MAP3K4: variants seen among roughly 807,000 people sequenced by gnomAD.
MAP3K4 encodes mitogen-activated protein kinase kinase kinase 4.
Under a neutral mutation model 185.6 loss-of-function variants are expected in MAP3K4, and 67 were observed. That is an observed-to-expected ratio of 0.36 (90% CI 0.30 to 0.44). The LOEUF is 0.44. Among genes scored for constraint, MAP3K4 ranks in the 20% least tolerant of loss-of-function variants. The pLI, the probability that MAP3K4 is intolerant of heterozygous loss-of-function variation, is 1.00. For synonymous variants in MAP3K4, 702 were observed against 710.4 expected, an observed-to-expected ratio of 0.99 and a Z score of 0.19; for missense variants, 1,551 against 1,995.1, an observed-to-expected ratio of 0.78 and a Z score of 4.24.
rs185785133 is a variant in MAP3K4, at chr6:161,051,671, A to G, written c.1707+1692A>G. Among the ~76,000 whole-genome samples the G allele has an allele frequency of 6.6e-6, 1 of 152,250 alleles. No individual in the cohort carries two copies. The highest frequency in any genetic ancestry group is 1.9e-4 in the East Asian group (1 of 5,176). On this transcript the variant is annotated intron_variant, in intron 3 of 26. Transcript: ENST00000392142. The surrounding 1 kb of genome is among the most constrained non-coding windows in gnomAD (Gnocchi z 4.2). ...TCATCCCAGGGGGATTTGTTCCAGG[A>G]CCCCCATGGACACTCAAATCCTTGG...
chr6:161,059,340 T>C (rs575616890), intron 3 of MAP3K4, among the ~76,000 whole-genome samples: 105 of 152,262 alleles, frequency 6.9e-4, no homozygotes, highest in African/African-American at 2.5e-3. Flanking sequence ...TTTCATTATG[T>C]TGGCCAGGCT....
chr6:161,040,401 T>C (rs1336615533), intron 2 of MAP3K4, among the ~76,000 whole-genome samples: 1 of 152,016 alleles, frequency 6.6e-6, no homozygotes, highest in African/African-American at 2.4e-5. Flanking sequence ...AATGCAACTA[T>C]TTAGAAAACG....
intron 15 of MAP3K4, among the ~76,000 whole-genome samples, chr6:161,094,283 C>T (rs1777472809): frequency 6.6e-6 from 1 of 152,214 alleles, no homozygotes. Flanking sequence ...TTCTCCACAG[C>T]TTTCCCAAGT....
In MAP3K4 at chr6:161,048,572, A is replaced by G. The variant is rs116433724; in HGVS notation, c.344-44A>G. ...TTGAAAATATTGAGAGTAGCTTCAT[A>G]TTTTAGAGTTATATAATGTTCTGTT... On this transcript the variant is annotated intron_variant, in intron 2 of 26. Transcript: ENST00000392142. This position sits in a 1 kb window ranked among gnomAD's most constrained non-coding sequence, Gnocchi z 4.7. 4.6e-3 allele frequency: 5,952 copies of G among 1,288,144 alleles called. 245 individuals carry two copies. In the African/African-American group the frequency reaches 0.078, roughly 17 times the overall value. The allele number at this position is 1,288,144 out of a possible 1,614,324, so 79.8% of individuals were successfully genotyped here. A position where few individuals can be genotyped will look rare whatever the true frequency, so the allele number is the denominator to read the frequency against.
At chr6:161,047,878 G>T (rs540536842) in intron 2 of MAP3K4, among the ~76,000 whole-genome samples, 1 of 152,242 alleles carries the variant, frequency 6.6e-6, no homozygotes, top group Admixed American at 6.5e-5. Context: ...GAAGGAAGTG[G>T]GTGGTTTTTG....
rs1350913088 is a variant in MAP3K4 at position 161,084,803 on chromosome 6, T to C, written c.2372+186T>C. ...ATGTGATTTCTTAGTTATGGTTTTA[T>C]GTGAAATTTTCTTTGAAGGGGAACT... On this transcript the variant is annotated intron_variant, in intron 7 of 26. Coordinates refer to ENST00000392142, the MANE Select transcript of MAP3K4 (RefSeq NM_005922.4). The surrounding 1 kb of genome is among the most constrained non-coding windows in gnomAD (Gnocchi z 4.6). 6.6e-6 allele frequency among the ~76,000 whole-genome samples: 1 copy of C among 152,232 alleles called. No individual in the cohort carries two copies. Among genetic ancestry groups the C allele is most frequent in the South Asian group, 2.1e-4 (1 of 4,832 alleles).
chr6:161,080,141 A>G lies in MAP3K4; in HGVS notation c.2098-740A>G, dbSNP rs1272036196. 6.6e-6 allele frequency among the ~76,000 whole-genome samples: 1 copy of G among 152,146 alleles called. No individual in the cohort carries two copies. Among genetic ancestry groups the G allele is most frequent in the African/African-American group, 2.4e-5 (1 of 41,448 alleles). On this transcript the variant is annotated intron_variant, in intron 5 of 26. Coordinates refer to ENST00000392142, the MANE Select transcript of MAP3K4 (RefSeq NM_005922.4). The surrounding 1 kb of genome is among the most constrained non-coding windows in gnomAD (Gnocchi z 4.8). Reference sequence around the variant, plus strand: ...GATGTCTGAAAAGTTCCGAGAGAGAATGTGTGACTCAAATATCTCCTACCC... The same window carrying G: ...GATGTCTGAAAAGTTCCGAGAGAGAGTGTGTGACTCAAATATCTCCTACCC...
Position 161,053,646 on chromosome 6 carries a change from T to G in MAP3K4, c.1707+3667T>G, listed in dbSNP as rs928295385. Among the ~76,000 whole-genome samples the G allele has an allele frequency of 3.3e-5, 5 of 152,128 alleles. No homozygotes were observed. Among genetic ancestry groups the G allele is most frequent in the African/African-American group, 1.2e-4 (5 of 41,416 alleles). ...TCATTCTGTTTCCTAGGCTGGAGTG[T>G]AATGGGAAGATCTCGGCTCACTGCA... is the stretch of plus-strand genomic sequence containing the variant. On this transcript the variant is annotated intron_variant, in intron 3 of 26. Coordinates refer to ENST00000392142, the MANE Select transcript of MAP3K4 (RefSeq NM_005922.4). The surrounding 1 kb of genome is among the most constrained non-coding windows in gnomAD (Gnocchi z 4.2).
At position 161,053,811 on chromosome 6, in the gene MAP3K4, C is replaced by G. The variant is rs1784113539; in HGVS notation, c.1707+3832C>G. Among the ~76,000 whole-genome samples the G allele has an allele frequency of 6.6e-6, 1 of 152,120 alleles. No homozygotes were observed. The highest frequency in any genetic ancestry group is 1.5e-5 in the Non-Finnish European group (1 of 68,026). ...GTTTCACCATGTTGGCCAGGCTAGTCTTGAACTCCTGACCCCAAATGATCC... is the reference window on the plus strand; with the variant it reads ...GTTTCACCATGTTGGCCAGGCTAGTGTTGAACTCCTGACCCCAAATGATCC... On this transcript the variant is annotated intron_variant, in intron 3 of 26. Coordinates refer to ENST00000392142, the MANE Select transcript of MAP3K4 (RefSeq NM_005922.4). The surrounding 1 kb of genome is among the most constrained non-coding windows in gnomAD (Gnocchi z 4.2).
chr6:161,088,307 T>C lies in MAP3K4; in HGVS notation c.2823+353T>C, dbSNP rs998297481. On this transcript the variant is annotated intron_variant, in intron 10 of 26. Transcript: ENST00000392142. This position sits in a 1 kb window ranked among gnomAD's most constrained non-coding sequence, Gnocchi z 4.5. The stretch of plus-strand genomic sequence containing the variant: ...CAGTTCTCCAAGTACTCAGGTTTAC[T>C]GGTTATTTAATTTTAATTTTTTGTA... Among the ~76,000 whole-genome samples, 1 of 152,214 alleles carries C rather than the reference T, an allele frequency of 6.6e-6. No homozygotes were observed. Among genetic ancestry groups the C allele is most frequent in the Admixed American group, 6.5e-5 (1 of 15,292 alleles).
chr6:161,047,149 T>TA (rs1783768466), intron 2 of MAP3K4, among the ~76,000 whole-genome samples: 3 of 143,564 alleles, frequency 2.1e-5, no homozygotes, highest in Admixed American at 7.1e-5. Context: ...TATATATGTT[T>TA]AAAAAAATGG....
In MAP3K4 at chr6:161,109,748, C is replaced by G; in HGVS notation, c.4237-7C>G. 1 of 1,614,078 alleles carries G rather than the reference C, an allele frequency of 6.2e-7. No individual in the cohort carries two copies. The highest frequency in any genetic ancestry group is 1.7e-5 in the Admixed American group (1 of 60,020). On this transcript the variant is annotated splice_region_variant and splice_polypyrimidine_tract_variant and intron_variant, in intron 22 of 26. Coordinates refer to ENST00000392142, the MANE Select transcript of MAP3K4 (RefSeq NM_005922.4). This position sits in a 1 kb window ranked among gnomAD's most constrained non-coding sequence, Gnocchi z 5.7. ...AAACACAGAGCTGCCCTTTATTCCTCCCACAGGAAGAAATGTACATCTTCA... is the reference window on the plus strand; with the variant it reads ...AAACACAGAGCTGCCCTTTATTCCTGCCACAGGAAGAAATGTACATCTTCA...
At chr6:161,062,420 A>G (rs1012847775) in intron 3 of MAP3K4, among the ~76,000 whole-genome samples, 3 of 152,088 alleles carry the variant, frequency 2.0e-5, no homozygotes, top group African/African-American at 7.2e-5. Context: ...TAAAATATTT[A>G]TAATAGACAT....
chr6:161,036,801 C>A (rs753997205), intron 2 of MAP3K4, among the ~76,000 whole-genome samples: 32 of 152,296 alleles, frequency 2.1e-4, no homozygotes, highest in South Asian at 6.2e-4. Flanking sequence ...GCTCCAGAGT[C>A]TGAGGCCTTT....
At chr6:161,058,235 G>A (rs1784328632) in intron 3 of MAP3K4, among the ~76,000 whole-genome samples, 2 of 152,146 alleles carry the variant, frequency 1.3e-5, no homozygotes, top group South Asian at 4.1e-4. Context: ...TTTTGACTTA[G>A]TGTCTAATAT....
chr6:161,086,366 A>C lies in MAP3K4; in HGVS notation c.2373-13A>C. 6.4e-7 allele frequency: 1 copy of C among 1,559,130 alleles called. No individual in the cohort carries two copies. Among genetic ancestry groups the C allele is most frequent in the South Asian group, 1.1e-5 (1 of 88,062 alleles). On this transcript the variant is annotated splice_polypyrimidine_tract_variant and intron_variant, in intron 7 of 26. Transcript: ENST00000392142. The surrounding 1 kb of genome is among the most constrained non-coding windows in gnomAD (Gnocchi z 4.8). The stretch of plus-strand genomic sequence containing the variant: ...CCTAATGTGTTCTAACTGGACTTGA[A>C]TCCACTTGGCAGGAGGTCTGTTATA...
chr6:161,078,046 G>A (rs759240148), intron 5 of MAP3K4, among the ~76,000 whole-genome samples: 1 of 152,124 alleles, frequency 6.6e-6, no homozygotes, highest in Non-Finnish European at 1.5e-5. Context: ...TTGCATGTTT[G>A]GGACCAGGAA....
Position 161,080,663 on chromosome 6 carries a change from T to C in MAP3K4, c.2098-218T>C. On this transcript the variant is annotated intron_variant, in intron 5 of 26. Transcript: ENST00000392142. The surrounding 1 kb of genome is among the most constrained non-coding windows in gnomAD (Gnocchi z 4.8). The stretch of plus-strand genomic sequence containing the variant: ...GATTTTGAAGGGGTTGTCAATAATA[T>C]GTTAAATTGCTGGGGAGTTAGTTTT... 4.0e-6 allele frequency: 2 copies of C among 498,394 alleles called. No homozygotes were observed. The highest frequency in any genetic ancestry group is 2.3e-5 in the South Asian group (1 of 43,156). 30.9% of individuals were successfully genotyped at this position (498,394 alleles called of 1,614,324 possible). A position where few individuals can be genotyped will look rare whatever the true frequency, so the allele number is the denominator to read the frequency against.
chr6:161,015,711 C>G (rs1014903825), intron 1 of MAP3K4, among the ~76,000 whole-genome samples: 1 of 152,136 alleles, frequency 6.6e-6, no homozygotes, highest in South Asian at 2.1e-4. Flanking sequence ...GGGGAAGGTG[C>G]CAGGCTCGTT....
Sources: allele counts gnomAD v4.1 joint callset (sites outside exome capture counted in the v4.1 genomes callset), GRCh38; gene constraint gnomAD v4.1.1; non-coding constraint Gnocchi (gnomAD v3.1); transcripts MANE v1.5; gene names NCBI Gene and HGNC (gene_info 2026-07-23, HGNC 2026-07-21).